ANK1: variants seen among roughly 807,000 people sequenced by gnomAD.
ANK1 encodes ankyrin-1.
In ANK1, 51 loss-of-function variants were observed where a neutral mutation model predicts 210.4. The ratio of observed to expected loss-of-function variants is 0.24; its 90% CI spans 0.19 to 0.31. The LOEUF (loss-of-function observed/expected upper bound fraction) is 0.31, where lower values mean the gene tolerates loss of function less well. ANK1 is among the 10% of genes least tolerant of loss of function. The pLI, the probability that ANK1 is intolerant of heterozygous loss-of-function variation, is 1.00. For missense variants in ANK1, 2,051 were observed against 2,504.4 expected, an observed-to-expected ratio of 0.82 and a Z score of 3.86; for synonymous variants, 967 against 1,025.9, an observed-to-expected ratio of 0.94 and a Z score of 1.10.
chr8:41,671,851 T>TC (rs1240049462), intron 38 of ANK1, among the ~76,000 whole-genome samples: 3 of 107,730 alleles, frequency 2.8e-5, no homozygotes, highest in Admixed American at 1.0e-4. Flanking sequence ...TGCCCCGATG[T>TC]CCTAAGTGAG....
Position 41,694,332 on chromosome 8 carries a change from C to T in ANK1, c.3328-230G>A, listed in dbSNP as rs905858816. On this transcript the variant is annotated intron_variant, in intron 28 of 42. Coordinates refer to ENST00000289734, the MANE Select transcript of ANK1 (RefSeq NM_000037.4). The surrounding 1 kb of genome is among the most constrained non-coding windows in gnomAD (Gnocchi z 5.7). ...CTTTGCTAGCACCACAGTCAACTCC[C>T]GGAGGTCATGCGGTTCCTGCATGCT... 1.3e-5 allele frequency among the ~76,000 whole-genome samples: 2 copies of T among 152,220 alleles called. No homozygotes were observed. The highest frequency in any genetic ancestry group is 2.4e-5 in the African/African-American group (1 of 41,460).
Position 41,655,766 on chromosome 8 carries a change from A to G in ANK1, c.*37-13T>C. On this transcript the variant is annotated splice_polypyrimidine_tract_variant and intron_variant, in intron 42 of 42. Transcript: ENST00000289734. ...TCGAGGTGTGATCCTGGGAGACACA[A>G]AGAGAGAAGGAGTCACTTAGAATGC... 1.2e-6 allele frequency: 2 copies of G among 1,613,928 alleles called. No individual in the cohort carries two copies. Among genetic ancestry groups the G allele is most frequent in the Non-Finnish European group, 1.7e-6 (2 of 1,179,846 alleles).
chr8:41,672,259 T>C, intron 38 of ANK1, 95 bp downstream of exon 38: 1 of 1,360,672 alleles, frequency 7.3e-7, no homozygotes, highest in East Asian at 2.3e-5. Context: ...AGGGTCAGGG[T>C]TGGCATCGAC....
exon 1 of ANK1, chr8:41,896,574 G>C: frequency 6.8e-7 from 1 of 1,468,676 alleles, no homozygotes. Flanking sequence ...GGGGGTCTCT[G>C]CTCCACAGAG....
At chr8:41,849,856 C>T (rs1429245385) in intron 1 of ANK1, among the ~76,000 whole-genome samples, 2 of 152,172 alleles carry the variant, frequency 1.3e-5, no homozygotes, top group African/African-American at 4.8e-5. Flanking sequence ...AAAACTTATT[C>T]CAGCACCATC....
chr8:41,813,340 G>A (rs976309887), intron 1 of ANK1, among the ~76,000 whole-genome samples: 21 of 152,124 alleles, frequency 1.4e-4, no homozygotes, highest in Non-Finnish European at 2.2e-4. Flanking sequence ...CAGAAAGGTG[G>A]GAGAAATTCT....
intron 1 of ANK1, among the ~76,000 whole-genome samples, chr8:41,868,837 G>A (rs1172672675): frequency 2.6e-5 from 4 of 152,042 alleles, no homozygotes; most frequent in African/African-American, 7.2e-5. Context: ...ACAGACACTC[G>A]AACTTTCGGA....
At chr8:41,812,523 C>T (rs904449533) in intron 1 of ANK1, among the ~76,000 whole-genome samples, 1 of 152,218 alleles carries the variant, frequency 6.6e-6, no homozygotes, top group Non-Finnish European at 1.5e-5. Context: ...GAGCAGTCCT[C>T]TTCCTGATAA....
chr8:41,832,688 CAGGGTTCCCAG>C (rs1167593182), intron 1 of ANK1, among the ~76,000 whole-genome samples: 3 of 152,236 alleles, frequency 2.0e-5, no homozygotes, highest in South Asian at 2.1e-4. Flanking sequence ...TCTCATCCCC[CAGGGTTCCCAG>C]AGGGTTCCCA....
At chr8:41,798,334 C>G (rs981128608), upstream of ANK1, among the ~76,000 whole-genome samples, 1 of 152,168 alleles carries the variant, frequency 6.6e-6, no homozygotes, top group African/African-American at 2.4e-5. Flanking sequence ...TGGGCACAAT[C>G]TTAATAACAC....
upstream of ANK1, among the ~76,000 whole-genome samples, chr8:41,797,856 C>T (rs1849098263): frequency 6.6e-6 from 1 of 151,822 alleles, no homozygotes; most frequent in Non-Finnish European, 1.5e-5. This position sits in a 1 kb window ranked among gnomAD's most constrained non-coding sequence, Gnocchi z 4.0. Flanking sequence ...GAGCTGAGTT[C>T]AGAGCCCAGA....
intron 1 of ANK1, among the ~76,000 whole-genome samples, chr8:41,886,487 G>A (rs113212130): frequency 9.2e-5 from 14 of 152,288 alleles, no homozygotes; most frequent in African/African-American, 2.9e-4. Flanking sequence ...GCTTCCTGAC[G>A]CATGCTAAAG....
rs573499501 is a variant in ANK1 at position 41,709,652 on chromosome 8, T to C, written c.1801-677A>G. Reference sequence around the variant, plus strand: ...TGTTCCAAAATTAAGATATAAAAAGTTGGCAGGGCACAGTGTTCATGCCTG... The same window carrying C: ...TGTTCCAAAATTAAGATATAAAAAGCTGGCAGGGCACAGTGTTCATGCCTG... On this transcript the variant is annotated intron_variant, in intron 16 of 42. Transcript: ENST00000289734. 1.1e-4 allele frequency among the ~76,000 whole-genome samples: 17 copies of C among 152,336 alleles called. No homozygotes were observed. In the South Asian group the frequency reaches 2.5e-3, roughly 22 times the overall value.
chr8:41,748,694 C>T (rs1366803684), intron 2 of ANK1, among the ~76,000 whole-genome samples: 1 of 152,230 alleles, frequency 6.6e-6, no homozygotes, highest in Non-Finnish European at 1.5e-5. Context: ...AGGACCTGCT[C>T]ATCTTTGACT....
intron 14 of ANK1, among the ~76,000 whole-genome samples, 163 bp downstream of exon 14, chr8:41,715,489 C>T (rs1827367037): frequency 6.6e-6 from 1 of 152,260 alleles, no homozygotes; most frequent in Admixed American, 6.5e-5. Context: ...GATGGAGACA[C>T]ATCGGCTTGC....
chr8:41,826,829 C>G (rs1485490940), intron 1 of ANK1, among the ~76,000 whole-genome samples: 1 of 152,080 alleles, frequency 6.6e-6, no homozygotes, highest in Non-Finnish European at 1.5e-5. Context: ...AATAAACATT[C>G]TGCTCTTATC....
chr8:41,675,400 GAGCGTATTTTTAGTGCAAAACA>G (rs1460290069), intron 37 of ANK1, among the ~76,000 whole-genome samples: 4 of 152,180 alleles, frequency 2.6e-5, no homozygotes, highest in African/African-American at 9.7e-5. Flanking sequence ...CCCGGCCACT[GAGCGTATTTTTAGTGCAAAACA>G]TATCTAACAT....
Position 41,655,526 on chromosome 8 carries a change from G to A in ANK1, c.*264C>T, listed in dbSNP as rs1805360810. 3.2e-6 allele frequency: 2 copies of A among 628,890 alleles called. No homozygotes were observed. Among genetic ancestry groups the A allele is most frequent in the African/African-American group, 1.8e-5 (1 of 54,892 alleles). The allele number at this position is 628,890 out of a possible 1,614,324, so 39.0% of individuals were successfully genotyped here. ...CGCTTCTTGCTGCTTTTGTGTCCTG[G>A]TTCCGACAGATCAGCTGTCATTGCA... On this transcript the variant is annotated 3_prime_UTR_variant, in exon 43 of 43. Transcript: ENST00000289734.
At chr8:41,890,466 T>C (rs1299013036) in intron 1 of ANK1, among the ~76,000 whole-genome samples, 1 of 152,226 alleles carries the variant, frequency 6.6e-6, no homozygotes, top group Non-Finnish European at 1.5e-5. Context: ...CCCAGCACTT[T>C]GGGAGGCCGA....
Sources: gnomAD v4.1 joint callset for allele counts (sites outside exome capture counted in the v4.1 genomes callset) on GRCh38, gnomAD v4.1.1 for gene constraint, Gnocchi (gnomAD v3.1) non-coding constraint, MANE v1.5 for transcripts, NCBI Gene and HGNC (gene_info 2026-07-23, HGNC 2026-07-21) for gene names.